The following XNDC1N variants were observed in gnomAD, a reference collection of about 807,000 sequenced individuals.
XNDC1N encodes XRCC1 N-terminal domain containing 1, N-terminal like.
chr11:71,906,862 A>G, the XNDC1N span, among the ~76,000 whole-genome samples: 2 of 152,148 alleles, frequency 1.3e-5, no homozygotes, highest in Non-Finnish European at 2.9e-5. Flanking sequence ...TGATGATAAT[A>G]TCACAGAGTG....
the XNDC1N span, among the ~76,000 whole-genome samples, chr11:71,912,474 G>A: frequency 7.2e-5 from 11 of 152,268 alleles, no homozygotes; most frequent in South Asian, 4.1e-4. Context: ...ACGTTGTTGC[G>A]AGTAATATCA....
the XNDC1N span, chr11:71,903,617 G>A: frequency 2.4e-5 from 14 of 587,934 alleles, no homozygotes; most frequent in Non-Finnish European, 3.6e-5. Flanking sequence ...TGTTTCTGTG[G>A]CTTCCTAGAT....
At chr11:71,892,407 G>A in the XNDC1N span, among the ~76,000 whole-genome samples, 1 of 152,118 alleles carries the variant, frequency 6.6e-6, no homozygotes, top group Admixed American at 6.5e-5. Flanking sequence ...ATCACAGGGT[G>A]TACACCCACT....
chr11:71,870,460 C>T, the XNDC1N span, among the ~76,000 whole-genome samples: 1 of 152,174 alleles, frequency 6.6e-6, no homozygotes, highest in South Asian at 2.1e-4. Context: ...TGACATTGGA[C>T]ATCTTAAGTT....
chr11:71,893,004 C>T, the XNDC1N span, among the ~76,000 whole-genome samples: 1 of 152,206 alleles, frequency 6.6e-6, no homozygotes, highest in Admixed American at 6.5e-5. Context: ...GGGGTCCTAG[C>T]TCTTGTGTCG....
the XNDC1N span, among the ~76,000 whole-genome samples, chr11:71,898,225 C>A: frequency 2.0e-5 from 3 of 150,422 alleles, no homozygotes; most frequent in Non-Finnish European, 4.4e-5. Context: ...AAAAAAAAAA[C>A]AACAAAAACA....
chr11:71,876,687 C>T, the XNDC1N span, among the ~76,000 whole-genome samples: 3 of 152,206 alleles, frequency 2.0e-5, no homozygotes, highest in African/African-American at 7.2e-5. Context: ...GAAAATTATG[C>T]CCTTAGTGTT....
the XNDC1N span, among the ~76,000 whole-genome samples, chr11:71,888,903 C>A: frequency 1.3e-5 from 2 of 152,212 alleles, no homozygotes. Context: ...CCTGTCAAGC[C>A]TGGTTGTGTA....
the XNDC1N span, among the ~76,000 whole-genome samples, chr11:71,920,192 T>G: frequency 6.6e-6 from 1 of 151,102 alleles, no homozygotes; most frequent in East Asian, 1.9e-4. Context: ...TCTCCTGACC[T>G]CGTGATCCGC....
chr11:71,893,289 A>G, the XNDC1N span: 1 of 498,018 alleles, frequency 2.0e-6, no homozygotes, highest in Non-Finnish European at 3.7e-6. Context: ...GCAAAAAGTA[A>G]ATCACGTAAT....
At chr11:71,878,288 C>T in the XNDC1N span, among the ~76,000 whole-genome samples, 1 of 152,212 alleles carries the variant, frequency 6.6e-6, no homozygotes, top group Non-Finnish European at 1.5e-5. Flanking sequence ...ATGATGATTG[C>T]ATGCTGTCTC....
the XNDC1N span, among the ~76,000 whole-genome samples, chr11:71,911,516 CTGT>C: frequency 0.032 from 4,872 of 152,274 alleles, 76 homozygotes; most frequent in East Asian, 0.076. Context: ...ACCCTGGACA[CTGT>C]TGTTGAAGCC....
At chr11:71,925,490 A>G in the XNDC1N span, among the ~76,000 whole-genome samples, 1 of 152,202 alleles carries the variant, frequency 6.6e-6, no homozygotes, top group Non-Finnish European at 1.5e-5. Flanking sequence ...CTTCAAAGAC[A>G]GAAGAATGAA....
At chr11:71,915,284 T>A in the XNDC1N span, among the ~76,000 whole-genome samples, 1 of 151,902 alleles carries the variant, frequency 6.6e-6, no homozygotes, top group Admixed American at 6.6e-5. Context: ...CTGTCTCTAC[T>A]AAAAATACAA....
the XNDC1N span, chr11:71,927,578 T>C: frequency 1.3e-5 from 2 of 151,808 alleles, no homozygotes; most frequent in African/African-American, 2.4e-5. Context: ...TACAATACTA[T>C]ATAGTCATGG....
At chr11:71,871,978 A>G in the XNDC1N span, among the ~76,000 whole-genome samples, 1 of 152,346 alleles carries the variant, frequency 6.6e-6, no homozygotes, top group African/African-American at 2.4e-5. Context: ...ATAAATATGA[A>G]TATATCATGC....
chr11:71,926,487 A>G, the XNDC1N span, among the ~76,000 whole-genome samples: 1 of 152,234 alleles, frequency 6.6e-6, no homozygotes, highest in Non-Finnish European at 1.5e-5. Flanking sequence ...ATGATCTCCC[A>G]CACTTCAGAG....
the XNDC1N span, chr11:71,884,401 T>G: frequency 6.4e-7 from 1 of 1,571,300 alleles, no homozygotes. Context: ...TCTTCTCTTT[T>G]TAAAGCCAGA....
chr11:71,909,549 C>A, the XNDC1N span, among the ~76,000 whole-genome samples: 13 of 152,286 alleles, frequency 8.5e-5, no homozygotes, highest in East Asian at 3.9e-4. Context: ...GAGGGAGACC[C>A]GGCTCAAGCG....
Sources: gnomAD v4.1 joint callset for allele counts (sites outside exome capture counted in the v4.1 genomes callset) on GRCh38, gnomAD v4.1.1 for gene constraint, MANE v1.5 for transcripts, NCBI Gene and HGNC (gene_info 2026-07-23, HGNC 2026-07-21) for gene names.